UBE2R2: variants seen among roughly 807,000 people sequenced by gnomAD.
UBE2R2 encodes ubiquitin conjugating enzyme E2 R2.
In UBE2R2, 1 loss-of-function variant was observed where a neutral mutation model predicts 27.8. The observed-to-expected ratio is 0.04, with a 90% CI of 0.01 to 0.17. The LOEUF is 0.17. Among genes scored for constraint, UBE2R2 ranks in the 10% least tolerant of loss-of-function variants. The probability of loss-of-function intolerance (pLI) is 1.00; values close to 1 mark genes in which losing one functional copy is unlikely to be tolerated. For missense variants in UBE2R2, 100 were observed against 291.0 expected (o/e 0.34, Z 4.78); for synonymous variants, 106 against 113.3 (o/e 0.94, Z 0.41).
chr9:33,917,464 C>A lies in UBE2R2; in HGVS notation c.*227C>A. The A allele has an allele frequency of 1.6e-6, 1 of 628,354 alleles. No homozygotes were observed. Among genetic ancestry groups the A allele is most frequent in the Non-Finnish European group, 2.7e-6 (1 of 373,296 alleles). The allele number at this position is 628,354 out of a possible 1,614,324, so 38.9% of individuals were successfully genotyped here. A position where few individuals can be genotyped will look rare whatever the true frequency, so the allele number is the denominator to read the frequency against. On this transcript the variant is annotated 3_prime_UTR_variant, in exon 5 of 5. Transcript: ENST00000263228. ...AATGTCTGAATTCTTGCATTCTTTA[C>A]CCTTCCATCACTATATTGATTCTTT...
chr9:33,919,853 T>C lies in UBE2R2; in HGVS notation c.*2616T>C, dbSNP rs756410503. The C allele has an allele frequency of 3.9e-5, 6 of 152,226 alleles. No homozygotes were observed. Among genetic ancestry groups the C allele is most frequent in the Non-Finnish European group, 8.8e-5 (6 of 68,042 alleles). The allele number at this position is 152,226 out of a possible 1,614,324, so 9.4% of individuals were successfully genotyped here. The stretch of plus-strand genomic sequence containing the variant: ...ATTTTTAGATTCCTTTTAGTTCTAA[T>C]TGAGGCCTCACTAGATGCTCTTCAG... On this transcript the variant is annotated 3_prime_UTR_variant, in exon 5 of 5. Coordinates refer to ENST00000263228, the MANE Select transcript of UBE2R2 (RefSeq NM_017811.4).
At chr9:33,835,145 GTTTT>G (rs3060448) in intron 1 of UBE2R2, among the ~76,000 whole-genome samples, 5 of 112,108 alleles carry the variant, frequency 4.5e-5, no homozygotes, top group Non-Finnish European at 8.7e-5. Flanking sequence ...CTAAGTGTAG[GTTTT>G]TTTTTTTTTT....
chr9:33,895,529 G>T (rs1008833582), intron 2 of UBE2R2, among the ~76,000 whole-genome samples: 2 of 152,038 alleles, frequency 1.3e-5, no homozygotes, highest in Non-Finnish European at 2.9e-5. Context: ...GGCTCTTTGG[G>T]TCCCTTAAAT....
chr9:33,874,986 A>G (rs1821571420), intron 1 of UBE2R2, among the ~76,000 whole-genome samples: 1 of 151,716 alleles, frequency 6.6e-6, no homozygotes, highest in East Asian at 1.9e-4. Flanking sequence ...TATTTTTAAA[A>G]TATGTTTTGT....
intron 1 of UBE2R2, among the ~76,000 whole-genome samples, chr9:33,861,422 CAA>C (rs2130767493): frequency 6.6e-6 from 1 of 152,008 alleles, no homozygotes; most frequent in East Asian, 1.9e-4. Context: ...ATAGAAAATA[CAA>C]AAATACAAAA....
In UBE2R2 at chr9:33,901,197, A is replaced by G. The variant is rs114424105; in HGVS notation, c.362+926A>G. The stretch of plus-strand genomic sequence containing the variant: ...GGGTACTGATCAGGTATTTTGTGCA[A>G]TGTCCCCCAGTTGAGATTTTTCTTA... On this transcript the variant is annotated intron_variant, in intron 3 of 4. Coordinates refer to ENST00000263228, the MANE Select transcript of UBE2R2 (RefSeq NM_017811.4). Among the ~76,000 whole-genome samples the G allele has an allele frequency of 5.9e-3, 898 of 152,182 alleles. 6 individuals carry two copies. The highest frequency in any genetic ancestry group is 0.02 in the African/African-American group (843 of 41,502).
At chr9:33,845,730 G>A (rs189652395) in intron 1 of UBE2R2, among the ~76,000 whole-genome samples, 180 of 152,166 alleles carry the variant, frequency 1.2e-3, no homozygotes, top group Admixed American at 0.011. Context: ...TTTCTAGGCC[G>A]GGTACAGTAG....
chr9:33,867,978 A>G (rs1821400470), intron 1 of UBE2R2, among the ~76,000 whole-genome samples: 1 of 152,132 alleles, frequency 6.6e-6, no homozygotes, highest in African/African-American at 2.4e-5. Flanking sequence ...TCCTCTCAGC[A>G]CCCTGTTCTT....
chr9:33,901,788 A>G (rs1016267368), intron 3 of UBE2R2, among the ~76,000 whole-genome samples: 5 of 152,184 alleles, frequency 3.3e-5, no homozygotes, highest in East Asian at 3.8e-4. Flanking sequence ...TAAAGATTTC[A>G]GCATATCTTA....
intron 1 of UBE2R2, among the ~76,000 whole-genome samples, chr9:33,834,492 G>A (rs1011600198): frequency 6.6e-6 from 1 of 151,972 alleles, no homozygotes; most frequent in African/African-American, 2.4e-5. Flanking sequence ...GATTACAGGC[G>A]TGAGCCACAC....
intron 1 of UBE2R2, among the ~76,000 whole-genome samples, chr9:33,868,011 G>C (rs1236823056): frequency 6.6e-6 from 1 of 152,178 alleles, no homozygotes; most frequent in Non-Finnish European, 1.5e-5. Flanking sequence ...GGAAGAATCA[G>C]CTCACACGAA....
At chr9:33,823,379 A>AT (rs1587422819) in intron 1 of UBE2R2, among the ~76,000 whole-genome samples, 2 of 149,638 alleles carry the variant, frequency 1.3e-5, no homozygotes, top group Admixed American at 6.6e-5. Flanking sequence ...GTTGAAAAAA[A>AT]ATTTTTTTTT....
At chr9:33,868,620 C>A in intron 1 of UBE2R2, 1 of 152,462 alleles carries the variant, frequency 6.6e-6, no homozygotes, top group South Asian at 2.0e-4. Context: ...ACAACACTCC[C>A]GCCTCAGCTA....
intron 1 of UBE2R2, among the ~76,000 whole-genome samples, chr9:33,828,394 C>CT (rs200771475): frequency 0.2 from 26,873 of 135,316 alleles, 2,905 homozygotes; most frequent in South Asian, 0.35. Flanking sequence ...TCTCTTAAAA[C>CT]TTTTTTTTTT....
intron 1 of UBE2R2, among the ~76,000 whole-genome samples, chr9:33,822,058 A>G (rs938461476): frequency 1.3e-5 from 2 of 151,708 alleles, no homozygotes; most frequent in African/African-American, 2.4e-5. Flanking sequence ...TATTAGGAAC[A>G]TCTTTATTAG....
intron 3 of UBE2R2, among the ~76,000 whole-genome samples, chr9:33,900,967 CTT>C (rs1337978820): frequency 6.6e-6 from 1 of 152,080 alleles, no homozygotes; most frequent in Admixed American, 6.6e-5. Context: ...GTCTCTGTCT[CTT>C]GTCTTTGAGA....
At chr9:33,901,265 G>A (rs1822239869) in intron 3 of UBE2R2, among the ~76,000 whole-genome samples, 1 of 152,202 alleles carries the variant, frequency 6.6e-6, no homozygotes, top group Non-Finnish European at 1.5e-5. Context: ...GTTTGGGAGA[G>A]AAAGACCAGA....
intron 1 of UBE2R2, among the ~76,000 whole-genome samples, chr9:33,825,296 C>A (rs1187369398): frequency 7.2e-6 from 1 of 139,360 alleles, no homozygotes; most frequent in Non-Finnish European, 1.5e-5. Context: ...AGCTGGAGTG[C>A]AGTGGTACAA....
At chr9:33,891,055 G>GTTTTTTTTTTGTT (rs1554676133) in intron 2 of UBE2R2, among the ~76,000 whole-genome samples, 27 of 126,116 alleles carry the variant, frequency 2.1e-4, no homozygotes, top group East Asian at 2.1e-3. Flanking sequence ...GTGTTTTTTT[G>GTTTTTTTTTTGTT]TTTTTTTTTT....
Sources: allele counts gnomAD v4.1 joint callset (sites outside exome capture counted in the v4.1 genomes callset), GRCh38; gene constraint gnomAD v4.1.1; transcripts MANE v1.5; gene names NCBI Gene and HGNC (gene_info 2026-07-23, HGNC 2026-07-21).